Variants in FREM1 observed in about 807,000 individuals in gnomAD.
FREM1 encodes FRAS1-related extracellular matrix protein 1.
Under a neutral mutation model 210.1 loss-of-function variants are expected in FREM1, and 220 were observed. The observed-to-expected ratio is 1.05, with a 90% CI of 0.94 to 1.17. FREM1 has a LOEUF of 1.17. FREM1 is among the 50% of genes most tolerant of loss of function. FREM1 has a pLI of 0.00. For missense variants in FREM1, 3,454 were observed against 2,675.5 expected, an observed-to-expected ratio of 1.29 and a Z score of -6.42; for synonymous variants, 1,189 against 980.2, an observed-to-expected ratio of 1.21 and a Z score of -3.98.
chr9:14,750,537 A>T (rs1843165282), intron 29 of FREM1, among the ~76,000 whole-genome samples: 1 of 152,208 alleles, frequency 6.6e-6, no homozygotes, highest in Admixed American at 6.5e-5. Flanking sequence ...ATAAAAAAAA[A>T]ATGGTTATTA....
At chr9:14,899,726 T>C (rs998695835) in intron 1 of FREM1, among the ~76,000 whole-genome samples, 7 of 152,156 alleles carry the variant, frequency 4.6e-5, no homozygotes, top group African/African-American at 1.7e-4. Flanking sequence ...TGCAAGAAAT[T>C]TGTCTAGAGG....
At chr9:14,754,458 T>C (rs1226955454) in intron 29 of FREM1, among the ~76,000 whole-genome samples, 2 of 152,196 alleles carry the variant, frequency 1.3e-5, no homozygotes, top group Admixed American at 6.5e-5. Context: ...GATTTTTGCA[T>C]GTCGAAGTGA....
chr9:14,791,824 G>GTTTTGTTTTT (rs1168374350), intron 22 of FREM1, among the ~76,000 whole-genome samples: 1 of 150,236 alleles, frequency 6.7e-6, no homozygotes, highest in Non-Finnish European at 1.5e-5. Context: ...ATAATGGTTT[G>GTTTTGTTTTT]TTTTGTTTTG....
intron 10 of FREM1, among the ~76,000 whole-genome samples, chr9:14,838,038 C>T (rs992915427): frequency 1.3e-5 from 2 of 152,112 alleles, no homozygotes; most frequent in Admixed American, 6.5e-5. Flanking sequence ...ATGATTTGCC[C>T]CAGGGAGCAC....
intron 36 of FREM1, among the ~76,000 whole-genome samples, 162 bp downstream of exon 36, chr9:14,739,987 G>A (rs545971634): frequency 6.6e-6 from 1 of 152,238 alleles, no homozygotes; most frequent in Non-Finnish European, 1.5e-5. Flanking sequence ...CAAAAAAAAG[G>A]TTTAAGATGA....
At position 14,793,019 on chromosome 9, in the gene FREM1, T is replaced by A. The variant is rs1486616878; in HGVS notation, c.3840-135A>T. Reference sequence around the variant, plus strand: ...CATTCAATATTCAAAGCACTGAAGATGACTAGTGAGAGGAATGAAACAGGC... The same window carrying A: ...CATTCAATATTCAAAGCACTGAAGAAGACTAGTGAGAGGAATGAAACAGGC... On this transcript the variant is annotated intron_variant, in intron 21 of 36. Transcript: ENST00000380880. The A allele has an allele frequency of 1.4e-5, 8 of 588,642 alleles. No individual in the cohort carries two copies. In the African/African-American group the frequency reaches 1.5e-4, roughly 11 times the overall value. The allele number at this position is 588,642 out of a possible 1,614,324, so 36.5% of individuals were successfully genotyped here. A position where few individuals can be genotyped will look rare whatever the true frequency, so the allele number is the denominator to read the frequency against.
In FREM1 at chr9:14,763,907, T is replaced by C. The variant is rs1474260763; in HGVS notation, c.5205-4006A>G. ...ATGGTGAGTGCTCATTAAATATCTG[T>C]TAACTGAATGAATGAATCTTGTTTA... On this transcript the variant is annotated intron_variant, in intron 27 of 36. Coordinates refer to ENST00000380880, the MANE Select transcript of FREM1 (RefSeq NM_001379081.2). Among the ~76,000 whole-genome samples, 8 of 152,212 alleles carry C rather than the reference T, an allele frequency of 5.3e-5. No individual in the cohort carries two copies. The South Asian group carries it at 1.4e-3, about 28-fold the overall frequency.
chr9:14,750,416 G>C (rs748300385), intron 29 of FREM1, 140 bp from the exon 30 acceptor site: 1 of 599,770 alleles, frequency 1.7e-6, no homozygotes, highest in Non-Finnish European at 2.8e-6. Context: ...ACTCACTGAA[G>C]TCCTGCTGTT....
chr9:14,839,292 G>C (rs1363738670), intron 10 of FREM1, among the ~76,000 whole-genome samples: 1 of 152,192 alleles, frequency 6.6e-6, no homozygotes, highest in African/African-American at 2.4e-5. Flanking sequence ...GATGACTTCA[G>C]AGATTCCAGC....
intron 19 of FREM1, 133 bp downstream of exon 19, chr9:14,804,823 A>C: frequency 3.3e-6 from 2 of 598,570 alleles, no homozygotes; most frequent in Non-Finnish European, 2.9e-6. Context: ...AAATGATTGC[A>C]TTACATAACA....
rs1833152162 is a variant in FREM1 at position 14,873,672 on chromosome 9, T to A, written c.-267-4428A>T. On this transcript the variant is annotated intron_variant, in intron 1 of 36. Transcript: ENST00000380880. ...TTTTTTGTGTCTCTATTTCCTTCAGTTCTGCTCTGATTTTAGTTATTTCTT... is the reference window on the plus strand; with the variant it reads ...TTTTTTGTGTCTCTATTTCCTTCAGATCTGCTCTGATTTTAGTTATTTCTT... 4.6e-5 allele frequency among the ~76,000 whole-genome samples: 7 copies of A among 152,324 alleles called. No individual in the cohort carries two copies. In the South Asian group the frequency reaches 1.5e-3, roughly 32 times the overall value.
At chr9:14,817,630 A>C (rs1341200367) in intron 14 of FREM1, among the ~76,000 whole-genome samples, 6 of 152,196 alleles carry the variant, frequency 3.9e-5, no homozygotes, top group African/African-American at 1.4e-4. Flanking sequence ...AATGAGTCCT[A>C]GGAATGGAAA....
intron 1 of FREM1, among the ~76,000 whole-genome samples, chr9:14,908,692 A>G (rs186221223): frequency 6.6e-6 from 1 of 152,356 alleles, no homozygotes; most frequent in Admixed American, 6.5e-5. Flanking sequence ...AAGGTTTAAT[A>G]TTAACCAAGT....
chr9:14,773,127 CT>C (rs1292470057), intron 25 of FREM1, among the ~76,000 whole-genome samples: 1 of 152,134 alleles, frequency 6.6e-6, no homozygotes. Flanking sequence ...GCTCTGTCCC[CT>C]GATAACTTGT....
intron 17 of FREM1, among the ~76,000 whole-genome samples, 188 bp from the exon 18 acceptor site, chr9:14,807,034 G>C (rs984101386): frequency 4.6e-5 from 7 of 152,174 alleles, no homozygotes. Flanking sequence ...GGTAATGAGT[G>C]AATTTACTTT....
rs531744234 is a variant in FREM1, at chr9:14,777,126, A to G, written c.4443-923T>C. Among the ~76,000 whole-genome samples, 5 of 152,314 alleles carry G rather than the reference A, an allele frequency of 3.3e-5. No homozygotes were observed. In the South Asian group the frequency reaches 1.0e-3, roughly 32 times the overall value. The stretch of plus-strand genomic sequence containing the variant: ...AAAAGAGTTGTGGTGCCTGAGCACC[A>G]TTGCAAAACTATAAAAAGAAAGCTG... On this transcript the variant is annotated intron_variant, in intron 24 of 36. Transcript: ENST00000380880.
intron 1 of FREM1, among the ~76,000 whole-genome samples, chr9:14,903,434 C>A (rs1371603733): frequency 6.6e-6 from 1 of 152,076 alleles, no homozygotes; most frequent in Non-Finnish European, 1.5e-5. Context: ...CATTAAATGA[C>A]AATGGATTCA....
chr9:14,745,833 T>C (rs946081989), intron 35 of FREM1, among the ~76,000 whole-genome samples: 1 of 152,262 alleles, frequency 6.6e-6, no homozygotes. Context: ...CTTTATTGAA[T>C]GTTCTTTTAC....
At chr9:14,752,907 C>A (rs570117017) in intron 29 of FREM1, among the ~76,000 whole-genome samples, 1 of 152,112 alleles carries the variant, frequency 6.6e-6, no homozygotes, top group East Asian at 1.9e-4. Context: ...TTGGACCTTA[C>A]GGAGTAGAAC....
Sources: allele counts gnomAD v4.1 joint callset (sites outside exome capture counted in the v4.1 genomes callset), GRCh38; gene constraint gnomAD v4.1.1; transcripts MANE v1.5; gene names NCBI Gene and HGNC (gene_info 2026-07-23, HGNC 2026-07-21).